Variants in NRG1 observed in about 807,000 individuals in gnomAD.
The protein encoded by NRG1 is neuregulin 1.
Under a neutral mutation model 63.8 loss-of-function variants are expected in NRG1, and 18 were observed. The observed-to-expected ratio is 0.28, with a 90% CI of 0.19 to 0.42. NRG1 has a LOEUF of 0.42. Ranked by LOEUF, NRG1 falls within the 10% of genes least tolerant of loss-of-function variation. The pLI, the probability that NRG1 is intolerant of heterozygous loss-of-function variation, is 1.00. For missense variants in NRG1, 762 were observed against 814.7 expected (o/e 0.94, Z 0.79); for synonymous variants, 302 against 301.3 (o/e 1.00, Z -0.02).
chr8:32,767,212 T>C (rs1027527328), exon 12 of NRG1: 1 of 152,228 alleles, frequency 6.6e-6, no homozygotes, highest in African/African-American at 2.4e-5. Flanking sequence ...TGGTCCTCTG[T>C]GTAGGTGAAT....
At chr8:32,127,747 T>G (rs1834285277) in intron 1 of NRG1, among the ~76,000 whole-genome samples, 1 of 151,732 alleles carries the variant, frequency 6.6e-6, no homozygotes, top group South Asian at 2.1e-4. Flanking sequence ...TGGCCACATC[T>G]AGAGCTAACA....
chr8:32,115,342 A>G (rs558405946), intron 1 of NRG1, among the ~76,000 whole-genome samples: 23 of 152,116 alleles, frequency 1.5e-4, no homozygotes, highest in Admixed American at 9.8e-4. Flanking sequence ...TTAATAGCCT[A>G]TCATTGACTA....
At chr8:31,775,866 G>A (rs1217501219) in intron 1 of NRG1, among the ~76,000 whole-genome samples, 3 of 111,226 alleles carry the variant, frequency 2.7e-5, no homozygotes, top group Non-Finnish European at 5.0e-5. Context: ...CTGGGCGACA[G>A]AGCAAGACTC....
chr8:32,502,710 C>G (rs1828013349), intron 1 of NRG1, among the ~76,000 whole-genome samples: 1 of 152,008 alleles, frequency 6.6e-6, no homozygotes, highest in Middle Eastern at 3.4e-3. Context: ...GTACTCTTTG[C>G]CTGCAGAGTT....
At chr8:32,601,182 G>C (rs1418576810) in intron 2 of NRG1, among the ~76,000 whole-genome samples, 2 of 152,138 alleles carry the variant, frequency 1.3e-5, no homozygotes, top group Admixed American at 1.3e-4. Context: ...TGATGTCTCT[G>C]TAGAGTCCTA....
intron 1 of NRG1, among the ~76,000 whole-genome samples, chr8:31,786,292 A>C (rs866327138): frequency 7.2e-5 from 11 of 152,328 alleles, no homozygotes; most frequent in Middle Eastern, 3.4e-3. Context: ...TATTTTGTTA[A>C]TGTAGGAAAA....
chr8:32,066,674 CTT>C (rs1047284352), intron 1 of NRG1, among the ~76,000 whole-genome samples: 1 of 152,098 alleles, frequency 6.6e-6, no homozygotes, highest in Non-Finnish European at 1.5e-5. Flanking sequence ...AATGAGGACT[CTT>C]TTTTGGTTCC....
At chr8:32,300,147 G>A (rs189170804) in intron 1 of NRG1, among the ~76,000 whole-genome samples, 3 of 152,136 alleles carry the variant, frequency 2.0e-5, no homozygotes, top group African/African-American at 7.2e-5. Flanking sequence ...ATGTGCCACA[G>A]AACTTCAAGT....
At chr8:32,577,209 A>G (rs1019448720) in intron 1 of NRG1, among the ~76,000 whole-genome samples, 1 of 152,190 alleles carries the variant, frequency 6.6e-6, no homozygotes, top group Non-Finnish European at 1.5e-5. Context: ...CATTTCCTCA[A>G]TGCAGTCCAC....
At chr8:32,769,605 G>T (rs1831653919), downstream of NRG1, among the ~76,000 whole-genome samples, 1 of 152,174 alleles carries the variant, frequency 6.6e-6, no homozygotes, top group African/African-American at 2.4e-5. Flanking sequence ...GAATCACTTT[G>T]CACTCTATGT....
chr8:32,458,708 G>A (rs552129405), intron 1 of NRG1, among the ~76,000 whole-genome samples: 153 of 152,170 alleles, frequency 1.0e-3, no homozygotes, highest in African/African-American at 3.3e-3. Flanking sequence ...TTATCTATGT[G>A]AAACAAATAA....
At chr8:31,814,990 C>T (rs1224304281) in intron 1 of NRG1, among the ~76,000 whole-genome samples, 2 of 152,012 alleles carry the variant, frequency 1.3e-5, no homozygotes, top group African/African-American at 2.4e-5. Flanking sequence ...GGATCCACAC[C>T]CTGTCCTAGG....
chr8:32,236,044 T>C (rs1847514213), intron 1 of NRG1, among the ~76,000 whole-genome samples: 2 of 152,290 alleles, frequency 1.3e-5, no homozygotes, highest in East Asian at 1.9e-4. Flanking sequence ...TTAAGTATAA[T>C]GTTTTTTGAG....
chr8:32,199,781 T>C (rs1843316420), intron 1 of NRG1, among the ~76,000 whole-genome samples: 1 of 152,138 alleles, frequency 6.6e-6, no homozygotes, highest in Non-Finnish European at 1.5e-5. Context: ...TCTCTCATTG[T>C]TTTAAACTTT....
intron 1 of NRG1, among the ~76,000 whole-genome samples, chr8:32,039,479 G>T (rs1346285456): frequency 6.6e-6 from 1 of 152,162 alleles, no homozygotes; most frequent in Non-Finnish European, 1.5e-5. Flanking sequence ...GAAACACAGA[G>T]ATGTTGTTTT....
chr8:31,853,356 T>A (rs1827468298), intron 1 of NRG1, among the ~76,000 whole-genome samples: 2 of 150,844 alleles, frequency 1.3e-5, no homozygotes, highest in African/African-American at 4.9e-5. Context: ...CCTAGGTATT[T>A]TATTCTCTTT....
chr8:32,250,654 T>A (rs1849005969), intron 1 of NRG1, among the ~76,000 whole-genome samples: 1 of 152,156 alleles, frequency 6.6e-6, no homozygotes. Flanking sequence ...ACTGTTATTA[T>A]AAAATGAATT....
chr8:31,737,782 G>C (rs1244342551), intron 1 of NRG1, among the ~76,000 whole-genome samples: 1 of 152,082 alleles, frequency 6.6e-6, no homozygotes, highest in Admixed American at 6.6e-5. Flanking sequence ...ATGGCACCTA[G>C]TCCCCTAAGA....
chr8:32,742,585 A>G lies in NRG1; in HGVS notation c.633-90A>G. ...GGTGAACTCACCAAGTTTCAGTCAA[A>G]TGACACTGAAGGAGCTTCTTTCTAG... On this transcript the variant is annotated intron_variant, in intron 6 of 11. Coordinates refer to ENST00000356819, the Ensembl canonical transcript of NRG1. The surrounding 1 kb of genome is among the most constrained non-coding windows in gnomAD (Gnocchi z 4.2). 8.2e-7 allele frequency: 1 copy of G among 1,221,314 alleles called. No homozygotes were observed. The highest frequency in any genetic ancestry group is 1.3e-5 in the South Asian group (1 of 78,432). 75.7% of individuals were successfully genotyped at this position (1,221,314 alleles called of 1,614,324 possible).
Sources: gnomAD v4.1 joint callset for allele counts (sites outside exome capture counted in the v4.1 genomes callset) on GRCh38, gnomAD v4.1.1 for gene constraint, Gnocchi (gnomAD v3.1) non-coding constraint, MANE v1.5 for transcripts, NCBI Gene and HGNC (gene_info 2026-07-23, HGNC 2026-07-21) for gene names.